NHSL1: variants seen among roughly 807,000 people sequenced by gnomAD.
NHSL1 encodes the protein NHS-like protein 1.
A neutral mutation model predicts 95.0 loss-of-function variants in NHSL1; 48 were observed. The ratio of observed to expected loss-of-function variants is 0.51; its 90% CI spans 0.40 to 0.64. The LOEUF (loss-of-function observed/expected upper bound fraction) is 0.64, where lower values mean the gene tolerates loss of function less well. NHSL1 is among the 30% of genes least tolerant of loss of function. The pLI is 0.00. For missense variants in NHSL1, 1,971 were observed against 2,077.7 expected, an observed-to-expected ratio of 0.95 and a Z score of 1.00; for synonymous variants, 783 against 833.9, an observed-to-expected ratio of 0.94 and a Z score of 1.05.
chr6:138,590,556 G>C (rs1784209896), intron 1 of NHSL1, among the ~76,000 whole-genome samples: 2 of 151,998 alleles, frequency 1.3e-5, no homozygotes. Flanking sequence ...CTGCTATCCC[G>C]GGGCCTCTGC....
chr6:138,671,450 C>CA (rs549060407), intron 1 of NHSL1, among the ~76,000 whole-genome samples: 3,865 of 106,136 alleles, frequency 0.036, 153 homozygotes, highest in African/African-American at 0.11. Context: ...AATCTGTCTC[C>CA]AAAAAAAAAA....
intron 1 of NHSL1, among the ~76,000 whole-genome samples, chr6:138,563,037 C>T (rs9495133): frequency 0.02 from 2,996 of 152,180 alleles, 97 homozygotes; most frequent in African/African-American, 0.068. Context: ...TGCCAAAACG[C>T]CCTAGGTGCT....
intron 1 of NHSL1, among the ~76,000 whole-genome samples, chr6:138,507,795 A>G (rs1313116219): frequency 1.3e-5 from 2 of 152,180 alleles, no homozygotes; most frequent in Non-Finnish European, 2.9e-5. Flanking sequence ...TTAATCTTTA[A>G]TGATGAAACA....
intron 1 of NHSL1, among the ~76,000 whole-genome samples, chr6:138,510,964 G>T (rs1319269317): frequency 6.6e-6 from 1 of 152,038 alleles, no homozygotes; most frequent in Non-Finnish European, 1.5e-5. Flanking sequence ...TGTTATTAGA[G>T]GGCAATACAA....
intron 1 of NHSL1, among the ~76,000 whole-genome samples, chr6:138,679,498 C>T (rs563341379): frequency 6.6e-6 from 1 of 152,276 alleles, no homozygotes; most frequent in East Asian, 1.9e-4. Flanking sequence ...ATGGTGGCCA[C>T]TTCTAAGAGT....
chr6:138,639,555 T>C (rs1784932040), intron 1 of NHSL1, among the ~76,000 whole-genome samples: 1 of 150,464 alleles, frequency 6.6e-6, no homozygotes, highest in Non-Finnish European at 1.5e-5. Context: ...GGCAGGAGAA[T>C]GGCATGAACC....
rs1428576728 is a variant in NHSL1, at chr6:138,422,106, G to T, written c.*1975C>A. 7 of 152,248 alleles carry T rather than the reference G, an allele frequency of 4.6e-5. No individual in the cohort carries two copies. In the East Asian group the frequency reaches 1.3e-3, roughly 29 times the overall value. 9.4% of individuals were successfully genotyped at this position (152,248 alleles called of 1,614,324 possible). ...CAAATGTATATTTTTCATTAAAAAT[G>T]GGGATTTAAAAATAGTTTTATAATT... On this transcript the variant is annotated 3_prime_UTR_variant, in exon 8 of 8. Coordinates refer to ENST00000343505, the MANE Select transcript of NHSL1 (RefSeq NM_001144060.2).
intron 1 of NHSL1, among the ~76,000 whole-genome samples, chr6:138,604,743 G>A (rs1784412246): frequency 6.6e-6 from 1 of 151,666 alleles, no homozygotes; most frequent in East Asian, 1.9e-4. Context: ...CTTATGCCTC[G>A]GCCACCTGAG....
At chr6:138,501,821 C>T (rs1263460517), upstream of NHSL1, among the ~76,000 whole-genome samples, 2 of 152,214 alleles carry the variant, frequency 1.3e-5, no homozygotes, top group South Asian at 2.1e-4. Context: ...TATTTGCATG[C>T]AACCTATGCA....
intron 1 of NHSL1, among the ~76,000 whole-genome samples, chr6:138,671,718 T>C (rs112426790): frequency 5.0e-4 from 76 of 152,032 alleles, no homozygotes; most frequent in Middle Eastern, 3.4e-3. Flanking sequence ...TAGGGTAGAG[T>C]TGAAAGTTGA....
At chr6:138,452,596 C>T (rs551859498) in intron 3 of NHSL1, among the ~76,000 whole-genome samples, 1 of 152,242 alleles carries the variant, frequency 6.6e-6, no homozygotes, top group African/African-American at 2.4e-5. Flanking sequence ...TAGTTGATGT[C>T]TTTAAGAAGA....
intron 1 of NHSL1, among the ~76,000 whole-genome samples, chr6:138,604,425 A>T (rs1784408229): frequency 6.6e-6 from 1 of 152,134 alleles, no homozygotes; most frequent in African/African-American, 2.4e-5. Flanking sequence ...TATCCCTAAA[A>T]TCCACAGCTT....
At chr6:138,535,563 T>A (rs557648934) in intron 1 of NHSL1, among the ~76,000 whole-genome samples, 3 of 151,920 alleles carry the variant, frequency 2.0e-5, no homozygotes, top group Non-Finnish European at 4.4e-5. Context: ...GAAAACCCTG[T>A]CTCCCCTCCC....
At chr6:138,446,901 T>G in intron 4 of NHSL1, 100 bp downstream of exon 4, 1 of 1,068,890 alleles carries the variant, frequency 9.4e-7, no homozygotes, top group South Asian at 1.5e-5. Context: ...ACCACAGCTA[T>G]TCACCTTTGA....
intron 1 of NHSL1, among the ~76,000 whole-genome samples, chr6:138,529,126 G>A (rs1025751812): frequency 6.6e-6 from 1 of 152,178 alleles, no homozygotes; most frequent in African/African-American, 2.4e-5. Flanking sequence ...TGTCTCCGCT[G>A]GGGCCTTTAG....
intron 3 of NHSL1, among the ~76,000 whole-genome samples, chr6:138,463,923 G>A (rs2128237213): frequency 6.6e-6 from 1 of 152,258 alleles, no homozygotes. Flanking sequence ...ATCACCACCT[G>A]GTGTTGTATG....
rs140138178 is a variant in NHSL1, at chr6:138,495,482, A to G, written c.211+737T>C. Among the ~76,000 whole-genome samples, 481 of 152,330 alleles carry G rather than the reference A, an allele frequency of 3.2e-3. 3 individuals carry two copies. The highest frequency in any genetic ancestry group is 5.4e-3 in the Admixed American group (82 of 15,304). ...CCAGCCAGCTTGAACTAAACAGAACAAACAAGTGTGTTCAAAAAAACAAAT... is the reference window on the plus strand; with the variant it reads ...CCAGCCAGCTTGAACTAAACAGAACGAACAAGTGTGTTCAAAAAAACAAAT... On this transcript the variant is annotated intron_variant, in intron 2 of 7. Coordinates refer to ENST00000343505, the MANE Select transcript of NHSL1 (RefSeq NM_001144060.2).
chr6:138,650,707 T>G (rs1354428848), intron 1 of NHSL1: 1 of 549,158 alleles, frequency 1.8e-6, no homozygotes, highest in Non-Finnish European at 3.7e-6. Flanking sequence ...TGGGTCAACA[T>G]GCGGGACACG....
At chr6:138,463,853 T>C (rs963702879) in intron 3 of NHSL1, among the ~76,000 whole-genome samples, 2 of 152,144 alleles carry the variant, frequency 1.3e-5, no homozygotes, top group Non-Finnish European at 2.9e-5. Context: ...CAATCTAAAA[T>C]GGCAGTCCTG....
Sources: gnomAD v4.1 joint callset for allele counts (sites outside exome capture counted in the v4.1 genomes callset) on GRCh38, gnomAD v4.1.1 for gene constraint, MANE v1.5 for transcripts, NCBI Gene and HGNC (gene_info 2026-07-23, HGNC 2026-07-21) for gene names.